RARG: variants seen among roughly 807,000 people sequenced by gnomAD.
The protein encoded by RARG is retinoic acid receptor gamma.
A neutral mutation model predicts 43.7 loss-of-function variants in RARG; 17 were observed. The observed-to-expected ratio is 0.39, with a 90% confidence interval of 0.27 to 0.58. The LOEUF (loss-of-function observed/expected upper bound fraction) is 0.58, where lower values mean the gene tolerates loss of function less well. Ranked by LOEUF, RARG falls within the 20% of genes least tolerant of loss-of-function variation. The probability of loss-of-function intolerance (pLI) is 0.57; values close to 1 mark genes in which losing one functional copy is unlikely to be tolerated. For missense variants in RARG, 346 were observed against 598.7 expected (o/e 0.58, Z 4.40); for synonymous variants, 238 against 236.4 (o/e 1.01, Z -0.06).
Position 53,213,936 on chromosome 12 carries a change from G to A in RARG, c.813+123C>T. 4 of 1,236,008 alleles carry A rather than the reference G, an allele frequency of 3.2e-6. No homozygotes were observed. Among genetic ancestry groups the A allele is most frequent in the Non-Finnish European group, 3.4e-6 (3 of 878,352 alleles). 76.6% of individuals were successfully genotyped at this position (1,236,008 alleles called of 1,614,324 possible). ...GGGCAGAGGCTAAGACGAAAAGAGAGCTGAGGAGTCCCACATGTGTGGCAG... is the reference window on the plus strand; with the variant it reads ...GGGCAGAGGCTAAGACGAAAAGAGAACTGAGGAGTCCCACATGTGTGGCAG... On this transcript the variant is annotated intron_variant, in intron 7 of 9. Transcript: ENST00000425354. This position sits in a 1 kb window ranked among gnomAD's most constrained non-coding sequence, Gnocchi z 4.7.
intron 3 of RARG, among the ~76,000 whole-genome samples, chr12:53,224,150 C>T (rs1287940122): frequency 6.6e-6 from 1 of 152,154 alleles, no homozygotes; most frequent in Non-Finnish European, 1.5e-5. Context: ...CCTCTGCTTT[C>T]CATGAGCACA....
Position 53,227,304 on chromosome 12 carries a change from C to A in RARG, c.184+58G>T, listed in dbSNP as rs1465357923. 2 of 1,462,032 alleles carry A rather than the reference C, an allele frequency of 1.4e-6. No homozygotes were observed. Among genetic ancestry groups the A allele is most frequent in the South Asian group, 1.4e-5 (1 of 70,018 alleles). The allele number at this position is 1,462,032 out of a possible 1,614,324, so 90.6% of individuals were successfully genotyped here. ...GGGTGCCAACTCTTTTACCATCCAC[C>A]CTCCTGATGCCTTCTTGTTAACATT... On this transcript the variant is annotated intron_variant, in intron 3 of 9. Transcript: ENST00000425354. This position sits in a 1 kb window ranked among gnomAD's most constrained non-coding sequence, Gnocchi z 4.3.
chr12:53,231,273 CCAGCACT>C (rs999250593), intron 1 of RARG, 38 bp from the exon 2 acceptor site: 1 of 152,270 alleles, frequency 6.6e-6, no homozygotes, highest in African/African-American at 2.4e-5. Flanking sequence ...AACTCTGGGA[CCAGCACT>C]CCTGGGTCCC....
Position 53,213,308 on chromosome 12 carries a change from G to A in RARG, c.1019-65C>T, listed in dbSNP as rs1278615861. 2 of 1,501,378 alleles carry A rather than the reference G, an allele frequency of 1.3e-6. No homozygotes were observed. Among genetic ancestry groups the A allele is most frequent in the African/African-American group, 2.8e-5 (2 of 72,030 alleles). 93.0% of individuals were successfully genotyped at this position (1,501,378 alleles called of 1,614,324 possible). A position where few individuals can be genotyped will look rare whatever the true frequency, so the allele number is the denominator to read the frequency against. ...AGATGGGGAAGACACAGTGACAGAT[G>A]GCTGATCACCAACCGGCGTTTTGGG... is the stretch of plus-strand genomic sequence containing the variant. On this transcript the variant is annotated intron_variant, in intron 8 of 9. Coordinates refer to ENST00000425354, the MANE Select transcript of RARG (RefSeq NM_000966.6). This position sits in a 1 kb window ranked among gnomAD's most constrained non-coding sequence, Gnocchi z 4.7.
intron 3 of RARG, among the ~76,000 whole-genome samples, chr12:53,216,489 A>C (rs1010534058): frequency 2.0e-5 from 3 of 152,158 alleles, no homozygotes; most frequent in Admixed American, 6.5e-5. Context: ...GCCTTGGTTC[A>C]CGCCTGAAGA....
intron 3 of RARG, chr12:53,219,937 C>T: frequency 6.7e-7 from 1 of 1,500,068 alleles, no homozygotes; most frequent in South Asian, 1.3e-5. Context: ...CAGCCCCGGA[C>T]TCCGGTACCT....
At position 53,227,175 on chromosome 12, in the gene RARG, T is replaced by C. The variant is rs1943128087; in HGVS notation, c.184+187A>G. On this transcript the variant is annotated intron_variant, in intron 3 of 9. Transcript: ENST00000425354. The surrounding 1 kb of genome is among the most constrained non-coding windows in gnomAD (Gnocchi z 4.3). ...GAACTCTCATTTGCAAACACTTCCA[T>C]TGAGTCCACATCCAAACTCCTTCCT... Among the ~76,000 whole-genome samples, 1 of 152,170 alleles carries C rather than the reference T, an allele frequency of 6.6e-6. No individual in the cohort carries two copies. Among genetic ancestry groups the C allele is most frequent in the Admixed American group, 6.5e-5 (1 of 15,276 alleles).
rs1943129765 is a variant in RARG at position 53,227,217 on chromosome 12, C to G, written c.184+145G>C. On this transcript the variant is annotated intron_variant, in intron 3 of 9. Coordinates refer to ENST00000425354, the MANE Select transcript of RARG (RefSeq NM_000966.6). The surrounding 1 kb of genome is among the most constrained non-coding windows in gnomAD (Gnocchi z 4.3). Reference sequence around the variant, plus strand: ...CTCCTTCCTCACCACCACTACCACCCTCCATTATTCACTACTACTCCATTA... The same window carrying G: ...CTCCTTCCTCACCACCACTACCACCGTCCATTATTCACTACTACTCCATTA... The G allele has an allele frequency of 2.6e-6, 2 of 778,636 alleles. No individual in the cohort carries two copies. The highest frequency in any genetic ancestry group is 3.8e-6 in the Non-Finnish European group (2 of 529,308). 48.2% of individuals were successfully genotyped at this position (778,636 alleles called of 1,614,324 possible). A position where few individuals can be genotyped will look rare whatever the true frequency, so the allele number is the denominator to read the frequency against.
intron 3 of RARG, among the ~76,000 whole-genome samples, chr12:53,221,071 C>T (rs1284447167): frequency 6.6e-6 from 1 of 152,108 alleles, no homozygotes; most frequent in Non-Finnish European, 1.5e-5. Context: ...TGGGAACCCC[C>T]CTCGGGGCGG....
chr12:53,213,247 T>C lies in RARG; in HGVS notation c.1019-4A>G, dbSNP rs370783352. On this transcript the variant is annotated splice_region_variant and splice_polypyrimidine_tract_variant and intron_variant, in intron 8 of 9. Transcript: ENST00000425354. The surrounding 1 kb of genome is among the most constrained non-coding windows in gnomAD (Gnocchi z 4.7). ...GGCTCCTCCAGGTCCATGCGGTCTA[T>C]GGGGACAAGTATACTGGAGTGAGAG... is the stretch of plus-strand genomic sequence containing the variant. 109 of 1,566,092 alleles carry C rather than the reference T, an allele frequency of 7.0e-5. No homozygotes were observed. Among genetic ancestry groups the C allele is most frequent in the Non-Finnish European group, 9.3e-5 (106 of 1,137,436 alleles).
chr12:53,214,701 A>G (rs890371353), intron 5 of RARG, 95 bp from the exon 6 acceptor site: 11 of 1,235,784 alleles, frequency 8.9e-6, no homozygotes, highest in Middle Eastern at 2.1e-4. Flanking sequence ...AGTCCTTATC[A>G]TGAATATCTA....
At chr12:53,230,940 C>A (rs1272009026) in intron 2 of RARG, among the ~76,000 whole-genome samples, 1 of 152,000 alleles carries the variant, frequency 6.6e-6, no homozygotes, top group Non-Finnish European at 1.5e-5. Flanking sequence ...TACCCCCACT[C>A]CCCTGTCTTC....
chr12:53,217,886 AGCTGAGCAGCCTGGACTCACAATCTAG>A (rs1942823429), intron 3 of RARG, among the ~76,000 whole-genome samples: 1 of 152,190 alleles, frequency 6.6e-6, no homozygotes, highest in African/African-American at 2.4e-5. Flanking sequence ...CGAGGCTCAG[AGCTGAGCAGCCTGGACTCACAATCTAG>A]CACACACCTC....
In RARG at chr12:53,213,442, A is replaced by G; in HGVS notation, c.1018+54T>C. On this transcript the variant is annotated intron_variant, in intron 8 of 9. Coordinates refer to ENST00000425354, the MANE Select transcript of RARG (RefSeq NM_000966.6). The surrounding 1 kb of genome is among the most constrained non-coding windows in gnomAD (Gnocchi z 4.7). ...CCCCTCCCAGACAGATTCCGCATGG[A>G]GTGGTGGGAAAGGAGACTGAGCACT... 1 of 1,576,144 alleles carries G rather than the reference A, an allele frequency of 6.3e-7. No individual in the cohort carries two copies. Among genetic ancestry groups the G allele is most frequent in the Non-Finnish European group, 8.7e-7 (1 of 1,150,384 alleles).
chr12:53,213,741 G>A lies in RARG; in HGVS notation c.814-41C>T, dbSNP rs758742142. Reference sequence around the variant, plus strand: ...GGAGGAGGGTTAGTGCTGTTTCTGGGGGATGGGGAAAAGAGGGAATGAGTG... The same window carrying A: ...GGAGGAGGGTTAGTGCTGTTTCTGGAGGATGGGGAAAAGAGGGAATGAGTG... On this transcript the variant is annotated intron_variant, in intron 7 of 9. Coordinates refer to ENST00000425354, the MANE Select transcript of RARG (RefSeq NM_000966.6). This position sits in a 1 kb window ranked among gnomAD's most constrained non-coding sequence, Gnocchi z 4.7. 2 of 1,541,620 alleles carry A rather than the reference G, an allele frequency of 1.3e-6. No individual in the cohort carries two copies. Among genetic ancestry groups the A allele is most frequent in the Middle Eastern group, 1.7e-4 (1 of 5,880 alleles).
Position 53,214,456 on chromosome 12 carries a change from T to C in RARG, c.626A>G (p.Lys209Arg). 6.2e-7 allele frequency: 1 copy of C among 1,613,078 alleles called. No individual in the cohort carries two copies. The highest frequency in any genetic ancestry group is 8.5e-7 in the Non-Finnish European group (1 of 1,179,148). ...ETFPSLCQLG[K>R]YTTNSSADHR... The stretch of plus-strand genomic sequence containing the variant: ...CTGCCCATTCCTCACCGTGGTATAC[T>C]TGCCCAGCTGGCAGAGCGAGGGGAA... Residue 209 changes from lysine to arginine, a missense_variant, in exon 6 of 10, where the codon AAG becomes AGG. Physicochemically the swap from Lys to Arg is conservative, Grantham distance 26. Transcript: ENST00000425354.
At position 53,215,869 on chromosome 12, in the gene RARG, C is replaced by T; in HGVS notation, c.185-75G>A. Reference sequence around the variant, plus strand: ...CCTCCAGGCTTCCTCATCACACACACCCCATGTGCATTTGTTCCTTGGCCC... The same window carrying T: ...CCTCCAGGCTTCCTCATCACACACATCCCATGTGCATTTGTTCCTTGGCCC... On this transcript the variant is annotated intron_variant, in intron 3 of 9. Coordinates refer to ENST00000425354, the MANE Select transcript of RARG (RefSeq NM_000966.6). The surrounding 1 kb of genome is among the most constrained non-coding windows in gnomAD (Gnocchi z 6.4). The T allele has an allele frequency of 7.0e-7, 1 of 1,438,504 alleles. No individual in the cohort carries two copies. Among genetic ancestry groups the T allele is most frequent in the South Asian group, 1.4e-5 (1 of 72,954 alleles). The allele number at this position is 1,438,504 out of a possible 1,614,324, so 89.1% of individuals were successfully genotyped here. A position where few individuals can be genotyped will look rare whatever the true frequency, so the allele number is the denominator to read the frequency against.
Position 53,227,406 on chromosome 12 carries a change from C to A in RARG, c.140G>T (p.Arg47Leu). The A allele has an allele frequency of 6.2e-7, 1 of 1,601,422 alleles. No homozygotes were observed. The highest frequency in any genetic ancestry group is 8.5e-7 in the Non-Finnish European group (1 of 1,174,202). Residue 47 changes from arginine (R) to leucine (L), a missense_variant, in exon 3 of 10, where the codon CGG becomes CTG. Coordinates refer to ENST00000425354, the MANE Select transcript of RARG (RefSeq NM_000966.6). This position sits in a 1 kb window ranked among gnomAD's most constrained non-coding sequence, Gnocchi z 4.3. ...GGGGAGGTCAGGCTGGCCCAGGCCC[C>A]GGAAGCTAGGGCTCAGCATCTCGAA... ...PPFEMLSPSF[R>L]GLGQPDLPKE...
intron 3 of RARG, among the ~76,000 whole-genome samples, chr12:53,226,461 G>A (rs1943108406): frequency 6.6e-6 from 1 of 152,114 alleles, no homozygotes; most frequent in Admixed American, 6.5e-5. Context: ...CCAAGTAGCT[G>A]GGATTACAGG....
Sources: gnomAD v4.1 joint callset for allele counts (sites outside exome capture counted in the v4.1 genomes callset) on GRCh38, gnomAD v4.1.1 for gene constraint, Gnocchi (gnomAD v3.1) non-coding constraint, MANE v1.5 for transcripts, NCBI Gene and HGNC (gene_info 2026-07-23, HGNC 2026-07-21) for gene names.